KDELR1: variants seen among roughly 807,000 people sequenced by gnomAD.
KDELR1 encodes ER lumen protein-retaining receptor 1.
A neutral mutation model predicts 25.5 loss-of-function variants in KDELR1; 16 were observed. That is an observed-to-expected ratio of 0.63 (90% CI 0.43 to 0.95). The LOEUF is 0.95. Among genes scored for constraint, KDELR1 ranks in the 40% least tolerant of loss-of-function variants. KDELR1 has a pLI of 0.00. For synonymous variants in KDELR1, 121 were observed against 115.0 expected, an observed-to-expected ratio of 1.05 and a Z score of -0.33; for missense variants, 159 against 265.2, an observed-to-expected ratio of 0.60 and a Z score of 2.78.
chr19:48,393,910 AG>A (rs966483626), upstream of KDELR1, among the ~76,000 whole-genome samples: 4 of 150,690 alleles, frequency 2.7e-5, no homozygotes, highest in Admixed American at 1.3e-4. This position sits in a 1 kb window ranked among gnomAD's most constrained non-coding sequence, Gnocchi z 5.6. Flanking sequence ...TGGCTGGTGG[AG>A]GGGGGGTGTG....
intron 2 of KDELR1, chr19:48,390,117 C>T (rs1487880415): frequency 1.9e-5 from 7 of 378,144 alleles, no homozygotes; most frequent in Non-Finnish European, 3.3e-5. Context: ...GGCCCAGCCC[C>T]TCCTCCCTCA....
chr19:48,389,888 G>A (rs1391352338), intron 2 of KDELR1, among the ~76,000 whole-genome samples, 177 bp from the exon 3 acceptor site: 2 of 108,812 alleles, frequency 1.8e-5, no homozygotes, highest in Non-Finnish European at 1.9e-5. Context: ...AGGAGTCCAG[G>A]CCCCCAACCC....
Position 48,384,081 on chromosome 19 carries a change from G to T in KDELR1, c.604+149C>A. The T allele has an allele frequency of 1.1e-6, 1 of 920,744 alleles. No individual in the cohort carries two copies. 57.0% of individuals were successfully genotyped at this position (920,744 alleles called of 1,614,324 possible). ...CAGAGGCTAACGGTCTGAATTCCTA[G>T]GAGGATGGTAGGCCTGCCACCCCAG... On this transcript the variant is annotated intron_variant, in intron 4 of 4. Transcript: ENST00000330720. The surrounding 1 kb of genome is among the most constrained non-coding windows in gnomAD (Gnocchi z 4.6).
upstream of KDELR1, among the ~76,000 whole-genome samples, chr19:48,394,045 T>C (rs1970599409): frequency 6.6e-6 from 1 of 151,896 alleles, no homozygotes; most frequent in South Asian, 2.1e-4. The surrounding 1 kb of genome is among the most constrained non-coding windows in gnomAD (Gnocchi z 5.1). Flanking sequence ...CCCAGATGGA[T>C]GGTGTGTACC....
Position 48,383,170 on chromosome 19 carries a change from G to T in KDELR1, c.*123C>A. The T allele has an allele frequency of 9.9e-7, 1 of 1,005,358 alleles. No homozygotes were observed. The highest frequency in any genetic ancestry group is 1.5e-6 in the Non-Finnish European group (1 of 659,728). The allele number at this position is 1,005,358 out of a possible 1,614,324, so 62.3% of individuals were successfully genotyped here. The stretch of plus-strand genomic sequence containing the variant: ...GTCCCCCTGAAACCCGGCAGGAGGC[G>T]GGATGGGGAGCACAAGAGGTGGGTT... On this transcript the variant is annotated 3_prime_UTR_variant, in exon 5 of 5. Transcript: ENST00000330720.
Position 48,384,587 on chromosome 19 carries a change from G to A in KDELR1, c.352-105C>T. The A allele has an allele frequency of 7.2e-7, 1 of 1,380,232 alleles. No homozygotes were observed. The highest frequency in any genetic ancestry group is 9.8e-7 in the Non-Finnish European group (1 of 1,020,304). The allele number at this position is 1,380,232 out of a possible 1,614,324, so 85.5% of individuals were successfully genotyped here. Reference sequence around the variant, plus strand: ...GTGCCGCGAAGGTGGAGAGAAGGAAGGTGATCCAGGTGCTGCCAAGTGCCA... The same window carrying A: ...GTGCCGCGAAGGTGGAGAGAAGGAAAGTGATCCAGGTGCTGCCAAGTGCCA... On this transcript the variant is annotated intron_variant, in intron 3 of 4. Transcript: ENST00000330720. The surrounding 1 kb of genome is among the most constrained non-coding windows in gnomAD (Gnocchi z 4.6).
chr19:48,384,506 T>C lies in KDELR1; in HGVS notation c.352-24A>G, dbSNP rs370775756. 5 of 1,606,312 alleles carry C rather than the reference T, an allele frequency of 3.1e-6. No individual in the cohort carries two copies. Among genetic ancestry groups the C allele is most frequent in the Non-Finnish European group, 4.3e-6 (5 of 1,175,884 alleles). ...ATCTGCAGAGAGGCCGGGGACATGA[T>C]GAGGTGGGAGGGGACAGGGCGGGAG... On this transcript the variant is annotated intron_variant, in intron 3 of 4. Coordinates refer to ENST00000330720, the MANE Select transcript of KDELR1 (RefSeq NM_006801.3). This position sits in a 1 kb window ranked among gnomAD's most constrained non-coding sequence, Gnocchi z 4.6.
chr19:48,384,317 C>A lies in KDELR1; in HGVS notation c.517G>T (p.Glu173Ter). The change falls in exon 4 of 5, where the codon GAG becomes TAG. Residue 173 changes from glutamate to a stop codon, truncating the protein, a stop_gained. Transcript: ENST00000330720. LOFTEE classifies it high-confidence loss of function. The surrounding 1 kb of genome is among the most constrained non-coding windows in gnomAD (Gnocchi z 4.6). ...LFNWIWRYHFEGFFDLIAIVA... is the reference protein window; with the variant it reads ...LFNWIWRYHF Reference sequence around the variant, plus strand: ...ATGGCGATGAGGTCGAAGAAGCCCTCGAAATGGTAGCGCCAGATCCAGTTG... The same window carrying A: ...ATGGCGATGAGGTCGAAGAAGCCCTAGAAATGGTAGCGCCAGATCCAGTTG... The A allele has an allele frequency of 6.2e-7, 1 of 1,614,208 alleles. No individual in the cohort carries two copies. Among genetic ancestry groups the A allele is most frequent in the Non-Finnish European group, 8.5e-7 (1 of 1,180,050 alleles).
Position 48,382,969 on chromosome 19 carries a change from C to T in KDELR1, c.*324G>A. The T allele has an allele frequency of 8.8e-6, 3 of 339,122 alleles. No individual in the cohort carries two copies. Among genetic ancestry groups the T allele is most frequent in the South Asian group, 3.3e-5 (1 of 30,390 alleles). 21.0% of individuals were successfully genotyped at this position (339,122 alleles called of 1,614,324 possible). A position where few individuals can be genotyped will look rare whatever the true frequency, so the allele number is the denominator to read the frequency against. On this transcript the variant is annotated 3_prime_UTR_variant, in exon 5 of 5. Coordinates refer to ENST00000330720, the MANE Select transcript of KDELR1 (RefSeq NM_006801.3). ...GGAAGGGAAAAGATCTTGGACCCTGCCCCGGCCCATAGGACACTCAAAAAC... is the reference window on the plus strand; with the variant it reads ...GGAAGGGAAAAGATCTTGGACCCTGTCCCGGCCCATAGGACACTCAAAAAC...
chr19:48,390,388 T>G (rs766871473), intron 2 of KDELR1, 36 bp downstream of exon 2: 11 of 1,493,590 alleles, frequency 7.4e-6, no homozygotes, highest in Non-Finnish European at 9.3e-6. Context: ...CTCCTCTGCC[T>G]CAGTGGGGGC....
At chr19:48,385,107 G>A (rs1351629250) in intron 3 of KDELR1, among the ~76,000 whole-genome samples, 1 of 152,052 alleles carries the variant, frequency 6.6e-6, no homozygotes, top group Non-Finnish European at 1.5e-5. Flanking sequence ...GGCTGGTCTC[G>A]AACTCCTGAC....
upstream of KDELR1, among the ~76,000 whole-genome samples, chr19:48,393,858 C>A (rs961621568): frequency 3.3e-5 from 5 of 152,074 alleles, no homozygotes; most frequent in South Asian, 2.1e-4. The surrounding 1 kb of genome is among the most constrained non-coding windows in gnomAD (Gnocchi z 5.6). Flanking sequence ...CGAGCGTCTG[C>A]CATCTGCCCG....
At chr19:48,395,419 C>A (rs914536382), upstream of KDELR1, among the ~76,000 whole-genome samples, 11 of 152,108 alleles carry the variant, frequency 7.2e-5, no homozygotes, top group African/African-American at 2.7e-4. Context: ...CAAGCTCCCA[C>A]CCCTTCCTCA....
chr19:48,388,845 A>C (rs1970517233), intron 3 of KDELR1, among the ~76,000 whole-genome samples: 1 of 150,528 alleles, frequency 6.6e-6, no homozygotes, highest in Admixed American at 6.6e-5. Flanking sequence ...GGAAGGAGGA[A>C]AGGAAGAAGG....
upstream of KDELR1, among the ~76,000 whole-genome samples, chr19:48,396,158 T>C (rs1001059588): frequency 6.7e-6 from 1 of 148,582 alleles, no homozygotes; most frequent in Non-Finnish European, 1.5e-5. Flanking sequence ...CGGAGGCTCA[T>C]GAGGAGGTAG....
In KDELR1 at chr19:48,384,859, G is replaced by A. The variant is rs2147419445; in HGVS notation, c.352-377C>T. On this transcript the variant is annotated intron_variant, in intron 3 of 4. Transcript: ENST00000330720. This position sits in a 1 kb window ranked among gnomAD's most constrained non-coding sequence, Gnocchi z 4.6. ...GAAAGGCAGGCTGGGTTGGAATCTT[G>A]CCTTGGAAATTTCCCTTCCTTTTTC... Among the ~76,000 whole-genome samples the A allele has an allele frequency of 6.6e-6, 1 of 151,390 alleles. No homozygotes were observed. Among genetic ancestry groups the A allele is most frequent in the East Asian group, 2.0e-4 (1 of 5,122 alleles).
upstream of KDELR1, among the ~76,000 whole-genome samples, chr19:48,392,751 G>A (rs991552240): frequency 2.0e-5 from 3 of 152,066 alleles, no homozygotes; most frequent in African/African-American, 7.2e-5. Flanking sequence ...CTTCCCCCCT[G>A]CTCCAGAGTT....
chr19:48,391,549 A>G lies in KDELR1; in HGVS notation c.-191T>C. 8.5e-6 allele frequency: 5 copies of G among 585,522 alleles called. No individual in the cohort carries two copies. Among genetic ancestry groups the G allele is most frequent in the Non-Finnish European group, 1.5e-5 (5 of 327,710 alleles). The allele number at this position is 585,522 out of a possible 1,614,324, so 36.3% of individuals were successfully genotyped here. A position where few individuals can be genotyped will look rare whatever the true frequency, so the allele number is the denominator to read the frequency against. ...AGCTGGCGGCGGAGCTGGAGCCGGG[A>G]AGAGGGAGGAGAGCGAGAGGGGGAG... On this transcript the variant is annotated 5_prime_UTR_variant, in exon 1 of 5. Transcript: ENST00000330720.
At chr19:48,390,943 C>A in intron 1 of KDELR1, 1 of 470,400 alleles carries the variant, frequency 2.1e-6, no homozygotes. Context: ...CTGGCCGCCA[C>A]GGTCCACGTC....
Sources: allele counts gnomAD v4.1 joint callset (sites outside exome capture counted in the v4.1 genomes callset), GRCh38; gene constraint gnomAD v4.1.1; non-coding constraint Gnocchi (gnomAD v3.1); transcripts MANE v1.5; gene names NCBI Gene and HGNC (gene_info 2026-07-23, HGNC 2026-07-21).